Variants in RGPD6 observed in about 807,000 individuals in gnomAD.
The protein encoded by RGPD6 is RANBP2-like and GRIP domain-containing protein 5/6.
chr2:110,596,931 T>A, the RGPD6 span, among the ~76,000 whole-genome samples: 9 of 126,534 alleles, frequency 7.1e-5, no homozygotes, highest in Admixed American at 2.6e-4. Context: ...TATATATATA[T>A]TATATATATT....
At chr2:110,592,190 CTG>C in the RGPD6 span, among the ~76,000 whole-genome samples, 1 of 100,636 alleles carries the variant, frequency 9.9e-6, no homozygotes, top group Non-Finnish European at 1.9e-5. Flanking sequence ...TGCCCGCTGA[CTG>C]AGGGTAACTA....
chr2:110,600,060 C>G, the RGPD6 span, among the ~76,000 whole-genome samples: 1 of 152,098 alleles, frequency 6.6e-6, no homozygotes, highest in South Asian at 2.1e-4. Context: ...GGCTCCAAGT[C>G]AAACTCTGTC....
chr2:110,600,895 C>A, the RGPD6 span, among the ~76,000 whole-genome samples: 1 of 135,170 alleles, frequency 7.4e-6, no homozygotes, highest in African/African-American at 2.7e-5. Flanking sequence ...TAACAGGCCC[C>A]GGACCAATAT....
the RGPD6 span, among the ~76,000 whole-genome samples, chr2:110,595,967 GTAT>G: frequency 6.8e-6 from 1 of 147,576 alleles, no homozygotes. Flanking sequence ...ATCAGTGACA[GTAT>G]TATCTCATTT....
chr2:110,589,794 GC>G, the RGPD6 span, among the ~76,000 whole-genome samples: 1 of 95,438 alleles, frequency 1.0e-5, no homozygotes, highest in East Asian at 2.7e-4. Flanking sequence ...CGTTTCCTCT[GC>G]TGCTAGAAAC....
chr2:110,600,777 G>A, the RGPD6 span, among the ~76,000 whole-genome samples: 3 of 91,600 alleles, frequency 3.3e-5, no homozygotes, highest in Admixed American at 1.2e-4. Context: ...CTAATCTGAC[G>A]GGAGGCGGAG....
the RGPD6 span, among the ~76,000 whole-genome samples, chr2:110,600,084 T>TA: frequency 6.6e-6 from 1 of 151,914 alleles, no homozygotes; most frequent in Non-Finnish European, 1.5e-5. Context: ...GGCTCTACAG[T>TA]ATGCCGCCGC....
chr2:110,607,592 C>T, the RGPD6 span, among the ~76,000 whole-genome samples: 1 of 149,598 alleles, frequency 6.7e-6, no homozygotes, highest in Non-Finnish European at 1.5e-5. Flanking sequence ...TTTGAGGACA[C>T]TCTCTGTGAC....
At chr2:110,596,940 T>C in the RGPD6 span, among the ~76,000 whole-genome samples, 2 of 115,742 alleles carry the variant, frequency 1.7e-5, no homozygotes, top group African/African-American at 4.0e-5. Context: ...ATTATATATA[T>C]TTTATATATA....
the RGPD6 span, among the ~76,000 whole-genome samples, chr2:110,608,334 T>A: frequency 6.7e-6 from 1 of 148,644 alleles, no homozygotes; most frequent in African/African-American, 2.5e-5. Flanking sequence ...AAGCTTCTAT[T>A]TCCTCATCTA....
chr2:110,608,527 T>C, the RGPD6 span, among the ~76,000 whole-genome samples: 32 of 126,942 alleles, frequency 2.5e-4, no homozygotes, highest in East Asian at 3.8e-3. Flanking sequence ...ACTGAGAACA[T>C]AGCATCCAAA....
the RGPD6 span, among the ~76,000 whole-genome samples, chr2:110,610,044 G>C: frequency 6.9e-6 from 1 of 144,436 alleles, no homozygotes; most frequent in African/African-American, 2.7e-5. Flanking sequence ...GCGCCCGGGT[G>C]GGGTGGGGAG....
the RGPD6 span, among the ~76,000 whole-genome samples, chr2:110,598,325 A>G: frequency 4.7e-5 from 1 of 21,388 alleles, no homozygotes; most frequent in African/African-American, 5.4e-5. Flanking sequence ...CGTCCTAGAC[A>G]ATCTTGTCCA....
chr2:110,601,845 C>T, the RGPD6 span, among the ~76,000 whole-genome samples: 1 of 120,424 alleles, frequency 8.3e-6, no homozygotes, highest in African/African-American at 3.5e-5. Context: ...TTAAATTTGC[C>T]CTACTATTCG....
chr2:110,593,576 CATCTT>C, the RGPD6 span, among the ~76,000 whole-genome samples: 4 of 142,524 alleles, frequency 2.8e-5, no homozygotes. Flanking sequence ...CATCATGTAA[CATCTT>C]ATGAGCATAT....
At chr2:110,609,615 C>T in the RGPD6 span, among the ~76,000 whole-genome samples, 2 of 142,196 alleles carry the variant, frequency 1.4e-5, no homozygotes, top group Non-Finnish European at 3.0e-5. Context: ...CACATGTGAA[C>T]TCTTTACTGA....
At chr2:110,600,165 T>C in the RGPD6 span, among the ~76,000 whole-genome samples, 7 of 126,938 alleles carry the variant, frequency 5.5e-5, no homozygotes, top group Admixed American at 5.6e-4. Flanking sequence ...CCAGACTTCA[T>C]CCTAGACAGT....
the RGPD6 span, among the ~76,000 whole-genome samples, chr2:110,589,488 T>C: frequency 6.6e-6 from 1 of 152,306 alleles, no homozygotes; most frequent in East Asian, 1.9e-4. Flanking sequence ...CATTTAGCAG[T>C]TGTGCCTTGC....
At chr2:110,600,031 T>C in the RGPD6 span, among the ~76,000 whole-genome samples, 1 of 152,096 alleles carries the variant, frequency 6.6e-6, no homozygotes, top group Non-Finnish European at 1.5e-5. Flanking sequence ...GTAGACATGC[T>C]TCTGCGAAAA....
Sources: allele counts gnomAD v4.1 joint callset (sites outside exome capture counted in the v4.1 genomes callset), GRCh38; gene constraint gnomAD v4.1.1; transcripts MANE v1.5; gene names NCBI Gene and HGNC (gene_info 2026-07-23, HGNC 2026-07-21).